The following GTF2A2 variants were observed in gnomAD, a reference collection of about 807,000 sequenced individuals.
GTF2A2 encodes general transcription factor IIA subunit 2.
Under a neutral mutation model 14.3 loss-of-function variants are expected in GTF2A2, and 9 were observed. The observed-to-expected ratio is 0.63, with a 90% CI of 0.38 to 1.10. GTF2A2 has a LOEUF of 1.10. Ranked by LOEUF, GTF2A2 falls within the 50% of genes least tolerant of loss-of-function variation. The pLI, the probability that GTF2A2 is intolerant of heterozygous loss-of-function variation, is 0.01. For missense variants in GTF2A2, 90 were observed against 124.6 expected (o/e 0.72, Z 1.32); for synonymous variants, 56 against 46.0 (o/e 1.22, Z -0.88).
chr15:59,639,594 CT>C (rs1891324626), intron 4 of GTF2A2, among the ~76,000 whole-genome samples: 4 of 151,040 alleles, frequency 2.6e-5, no homozygotes, highest in Admixed American at 6.6e-5. Context: ...TCCCGAGTAG[CT>C]GGGACTACAG....
chr15:59,648,742 G>C (rs1435460715), intron 3 of GTF2A2, among the ~76,000 whole-genome samples: 1 of 152,040 alleles, frequency 6.6e-6, no homozygotes. Context: ...AGACCATCCT[G>C]GCAAATACGG....
chr15:59,644,837 T>C (rs1181169140), intron 3 of GTF2A2, among the ~76,000 whole-genome samples: 1 of 152,180 alleles, frequency 6.6e-6, no homozygotes, highest in Non-Finnish European at 1.5e-5. Flanking sequence ...TGGAAAACCT[T>C]TGCCCCATCC....
chr15:59,656,782 G>C (rs1420145681), intron 1 of GTF2A2: 1 of 152,144 alleles, frequency 6.6e-6, no homozygotes, highest in Admixed American at 6.5e-5. Flanking sequence ...TGCGTTAAAC[G>C]TTTGTTAAAA....
intron 3 of GTF2A2, among the ~76,000 whole-genome samples, chr15:59,649,681 T>G (rs1362984636): frequency 2.0e-5 from 3 of 152,226 alleles, no homozygotes; most frequent in African/African-American, 7.2e-5. Flanking sequence ...ATGAGACTTA[T>G]TTATATTAAT....
At chr15:59,646,746 T>C (rs1375865830) in intron 3 of GTF2A2, among the ~76,000 whole-genome samples, 7 of 152,042 alleles carry the variant, frequency 4.6e-5, no homozygotes, top group Admixed American at 2.0e-4. Flanking sequence ...TAAATGAAAA[T>C]TGACAATTAA....
chr15:59,652,363 A>C, intron 1 of GTF2A2, 37 bp from the exon 2 acceptor site: 2 of 707,518 alleles, frequency 2.8e-6, no homozygotes, highest in Admixed American at 2.3e-5. Context: ...AAAAGATCAT[A>C]CTGTAACATC....
At chr15:59,652,138 GTGATA>G (rs1891812674) in intron 2 of GTF2A2, 63 bp downstream of exon 2, 2 of 878,356 alleles carry the variant, frequency 2.3e-6, no homozygotes, top group East Asian at 4.9e-5. Flanking sequence ...CTTTGCCTAA[GTGATA>G]TGACAAGAAT....
intron 4 of GTF2A2, chr15:59,640,374 C>CTTTA (rs1214822463): frequency 6.6e-6 from 1 of 152,154 alleles, no homozygotes; most frequent in Admixed American, 6.5e-5. Flanking sequence ...TGTTCAGAGG[C>CTTTA]TTTATTTACT....
chr15:59,640,117 G>A (rs1322836088), intron 4 of GTF2A2: 2 of 142,644 alleles, frequency 1.4e-5, no homozygotes, highest in African/African-American at 5.0e-5. Context: ...TACAATTTAA[G>A]CTTTCCTTGA....
chr15:59,655,787 A>G (rs1282375472), intron 1 of GTF2A2, among the ~76,000 whole-genome samples: 1 of 152,190 alleles, frequency 6.6e-6, no homozygotes, highest in African/African-American at 2.4e-5. Flanking sequence ...AAAGAACTCC[A>G]TACTTCTACG....
chr15:59,649,267 A>T (rs1466741005), intron 3 of GTF2A2, among the ~76,000 whole-genome samples: 1 of 152,236 alleles, frequency 6.6e-6, no homozygotes, highest in Non-Finnish European at 1.5e-5. Context: ...AAAAAGCAAG[A>T]ATGGAAAAGT....
intron 3 of GTF2A2, among the ~76,000 whole-genome samples, chr15:59,647,022 TTA>T (rs1168825443): frequency 6.6e-6 from 1 of 150,838 alleles, no homozygotes; most frequent in East Asian, 1.9e-4. Context: ...TACTCTATAA[TTA>T]TATAATTACA....
chr15:59,639,064 T>C lies in GTF2A2; in HGVS notation c.*68A>G. 1.1e-6 allele frequency: 1 copy of C among 898,834 alleles called. No individual in the cohort carries two copies. Among genetic ancestry groups the C allele is most frequent in the Middle Eastern group, 2.8e-4 (1 of 3,570 alleles). The allele number at this position is 898,834 out of a possible 1,614,324, so 55.7% of individuals were successfully genotyped here. A position where few individuals can be genotyped will look rare whatever the true frequency, so the allele number is the denominator to read the frequency against. On this transcript the variant is annotated 3_prime_UTR_variant, in exon 5 of 5. Coordinates refer to ENST00000396060, the MANE Select transcript of GTF2A2 (RefSeq NM_004492.3). ...GCAATTCTAGAATAAATAAAAAGTC[T>C]CTTCTATGCTTCTCTTCAAAAGCAA...
At position 59,638,896 on chromosome 15, in the gene GTF2A2, G is replaced by A; in HGVS notation, c.*236C>T. The A allele has an allele frequency of 2.3e-6, 1 of 426,268 alleles. No individual in the cohort carries two copies. The highest frequency in any genetic ancestry group is 4.2e-6 in the Non-Finnish European group (1 of 235,468). The allele number at this position is 426,268 out of a possible 1,614,324, so 26.4% of individuals were successfully genotyped here. ...GTTTTAAAATGAGTTTATTAAAGAA[G>A]GTTCTTAGGAAGGCAACAACTTTTG... On this transcript the variant is annotated 3_prime_UTR_variant, in exon 5 of 5. Coordinates refer to ENST00000396060, the MANE Select transcript of GTF2A2 (RefSeq NM_004492.3).
At chr15:59,650,157 A>T (rs867335110) in intron 3 of GTF2A2, among the ~76,000 whole-genome samples, 1 of 152,250 alleles carries the variant, frequency 6.6e-6, no homozygotes, top group African/African-American at 2.4e-5. Flanking sequence ...TGTTCAAAGT[A>T]TAAGTGACTG....
intron 3 of GTF2A2, among the ~76,000 whole-genome samples, chr15:59,645,932 G>A (rs932649196): frequency 9.2e-5 from 14 of 151,810 alleles, no homozygotes; most frequent in African/African-American, 3.1e-4. Flanking sequence ...TACTCGGGAG[G>A]CTGAGGCTGG....
chr15:59,656,559 G>C (rs1249492379), intron 1 of GTF2A2, among the ~76,000 whole-genome samples: 1 of 151,698 alleles, frequency 6.6e-6, no homozygotes, highest in Non-Finnish European at 1.5e-5. Context: ...TAGGCGTCTA[G>C]AACAGTACCT....
intron 1 of GTF2A2, among the ~76,000 whole-genome samples, chr15:59,655,997 G>A (rs1287351805): frequency 2.6e-5 from 4 of 152,096 alleles, no homozygotes; most frequent in East Asian, 3.9e-4. Flanking sequence ...TGATTTCCCT[G>A]CTTCTACACT....
chr15:59,649,582 G>C (rs1415522532), intron 3 of GTF2A2, among the ~76,000 whole-genome samples: 2 of 152,160 alleles, frequency 1.3e-5, no homozygotes, highest in Non-Finnish European at 2.9e-5. Flanking sequence ...AATCATTACT[G>C]TTAAAAATTC....
Sources: allele counts gnomAD v4.1 joint callset (sites outside exome capture counted in the v4.1 genomes callset), GRCh38; gene constraint gnomAD v4.1.1; transcripts MANE v1.5; gene names NCBI Gene and HGNC (gene_info 2026-07-23, HGNC 2026-07-21).